The following DCTN1 variants were observed in gnomAD, a reference collection of about 807,000 sequenced individuals.
DCTN1 encodes dynactin subunit 1.
A neutral mutation model predicts 161.2 loss-of-function variants in DCTN1; 61 were observed. That is an observed-to-expected ratio of 0.38 (90% CI 0.31 to 0.47). The LOEUF (loss-of-function observed/expected upper bound fraction) is 0.47. DCTN1 is among the 20% of genes least tolerant of loss of function. The pLI, the probability that DCTN1 is intolerant of heterozygous loss-of-function variation, is 0.99. For missense variants in DCTN1, 1,404 were observed against 1,623.7 expected (o/e 0.86, Z 2.33); for synonymous variants, 653 against 632.4 (o/e 1.03, Z -0.49).
chr2:74,380,570 CG>C (rs1558950758), upstream of DCTN1: 1 of 471,732 alleles, frequency 2.1e-6, no homozygotes, highest in Non-Finnish European at 4.4e-6. Context: ...CACTTCAAAG[CG>C]ATCAGCTGCC....
rs1175961382 is a variant in DCTN1 at position 74,374,342 on chromosome 2, T to C, written c.415-2A>G. The C allele has an allele frequency of 1.2e-6, 2 of 1,610,776 alleles. No homozygotes were observed. The highest frequency in any genetic ancestry group is 1.7e-6 in the Non-Finnish European group (2 of 1,178,366). On this transcript the variant is annotated splice_acceptor_variant, in intron 5 of 31. Coordinates refer to ENST00000628224, the MANE Select transcript of DCTN1 (RefSeq NM_004082.5). LOFTEE classifies it high-confidence loss of function. ...GAGTACCTTTCGGGCTGTCGGTGCCTGTCTCATCATTGCAGAAAACCAAAG... is the reference window on the plus strand; with the variant it reads ...GAGTACCTTTCGGGCTGTCGGTGCCCGTCTCATCATTGCAGAAAACCAAAG...
intron 7 of DCTN1, chr2:74,372,007 G>A (rs1195641103): frequency 1.2e-5 from 5 of 427,914 alleles, no homozygotes; most frequent in East Asian, 4.6e-5. Context: ...AAGGCTCCTC[G>A]CTTGGCACTG....
Position 74,370,594 on chromosome 2 carries a change from G to C in DCTN1, c.1048+27C>G, listed in dbSNP as rs367895892. 6.2e-7 allele frequency: 1 copy of C among 1,613,886 alleles called. No homozygotes were observed. Among genetic ancestry groups the C allele is most frequent in the African/African-American group, 1.3e-5 (1 of 74,902 alleles). On this transcript the variant is annotated intron_variant, in intron 10 of 31. Transcript: ENST00000628224. This position sits in a 1 kb window ranked among gnomAD's most constrained non-coding sequence, Gnocchi z 4.4. ...AGGCATGGTTCTCACCTGACCGTTT[G>C]GCCCCCAGCAGCTGTGGGCCCCTTA...
chr2:74,386,908 C>T (rs1675757803), intron 1 of DCTN1: 1 of 152,164 alleles, frequency 6.6e-6, no homozygotes, highest in African/African-American at 2.4e-5. Flanking sequence ...CTGGATCTTA[C>T]ATGGCATCAG....
rs1172382549 is a variant in DCTN1 at position 74,361,412 on chromosome 2, C to T, written c.*87G>A. 1 of 1,596,848 alleles carries T rather than the reference C, an allele frequency of 6.3e-7. No individual in the cohort carries two copies. On this transcript the variant is annotated 3_prime_UTR_variant, in exon 32 of 32. Coordinates refer to ENST00000628224, the MANE Select transcript of DCTN1 (RefSeq NM_004082.5). ...AGGAAGAGCTTAACCCACGTTTCTACCTGGGGGCTGGCTGAGGTGGCTGTG... is the reference window on the plus strand; with the variant it reads ...AGGAAGAGCTTAACCCACGTTTCTATCTGGGGGCTGGCTGAGGTGGCTGTG...
chr2:74,363,247 C>T (rs770523135), intron 28 of DCTN1, 47 bp downstream of exon 28: 4 of 1,614,038 alleles, frequency 2.5e-6, no homozygotes, highest in Non-Finnish European at 3.4e-6. Context: ...ATCAATGGGG[C>T]AAATATGCTC....
In DCTN1 at chr2:74,366,587, AGT is replaced by A; in HGVS notation, c.2498_2499del (p.His833LeufsTer26). The A allele has an allele frequency of 6.2e-7, 1 of 1,613,198 alleles. No individual in the cohort carries two copies. Among genetic ancestry groups the A allele is most frequent in the Non-Finnish European group, 8.5e-7 (1 of 1,180,022 alleles). Reference protein sequence around the residue: ...VSDTLLDCRKHLTWVVAVLQE... With the variant: ...VSDTLLDCRKXLTWVVAVLQE... ...TGCAGCACAGCCACGACCCACGTCA[AGT>A]GTTTCCTGCAGTCTAGGAGCGTGTC... is the stretch of plus-strand genomic sequence containing the variant. On this transcript the variant is annotated frameshift_variant, in exon 22 of 32. Transcript: ENST00000628224. LOFTEE classifies it high-confidence loss of function.
intron 1 of DCTN1, among the ~76,000 whole-genome samples, chr2:74,390,919 T>A (rs1275118282): frequency 6.6e-6 from 1 of 152,178 alleles, no homozygotes; most frequent in Non-Finnish European, 1.5e-5. Flanking sequence ...TAACAGTATA[T>A]CCTAGTAAAA....
rs1029876124 is a variant in DCTN1 at position 74,361,342 on chromosome 2, G to A, written c.*157C>T. The stretch of plus-strand genomic sequence containing the variant: ...GGAGTGGGGGAACCCGGGTCAAGGT[G>A]AAGGGGCAGGACGCTGAAAGGGTGG... On this transcript the variant is annotated 3_prime_UTR_variant, in exon 32 of 32. Coordinates refer to ENST00000628224, the MANE Select transcript of DCTN1 (RefSeq NM_004082.5). The A allele has an allele frequency of 9.5e-7, 1 of 1,052,132 alleles. No individual in the cohort carries two copies. Among genetic ancestry groups the A allele is most frequent in the East Asian group, 2.6e-5 (1 of 38,726 alleles). The allele number at this position is 1,052,132 out of a possible 1,614,324, so 65.2% of individuals were successfully genotyped here. A position where few individuals can be genotyped will look rare whatever the true frequency, so the allele number is the denominator to read the frequency against.
intron 1 of DCTN1, chr2:74,387,068 T>C (rs891409031): frequency 6.6e-6 from 1 of 152,296 alleles, no homozygotes; most frequent in African/African-American, 2.4e-5. Flanking sequence ...TACTTCTCGA[T>C]CCATTGCTAT....
At chr2:74,385,490 T>G (rs1215886787) in intron 1 of DCTN1, 2 of 152,256 alleles carry the variant, frequency 1.3e-5, no homozygotes, top group East Asian at 3.8e-4. Flanking sequence ...AAGAGAGAGA[T>G]GCACCATTTC....
chr2:74,380,181 C>CACCGAGTGAGGCCCA lies in DCTN1; in HGVS notation c.-145_-144insTGGGCCTCACTCGGT. On this transcript the variant is annotated 5_prime_UTR_variant, in exon 1 of 32. It adds an upstream start codon to the 5' untranslated region. Transcript: ENST00000628224. ...GCACAGCCCTCCCCAGTCCATGGGC[C>CACCGAGTGAGGCCCA]TCACTCGGTGGCCTACACGGGTAGG... The CACCGAGTGAGGCCCA allele has an allele frequency of 3.5e-6, 3 of 863,692 alleles. No homozygotes were observed. Among genetic ancestry groups the CACCGAGTGAGGCCCA allele is most frequent in the Non-Finnish European group, 5.7e-6 (3 of 526,394 alleles). The allele number at this position is 863,692 out of a possible 1,614,324, so 53.5% of individuals were successfully genotyped here. A position where few individuals can be genotyped will look rare whatever the true frequency, so the allele number is the denominator to read the frequency against.
intron 6 of DCTN1, among the ~76,000 whole-genome samples, chr2:74,373,624 T>C (rs1370438736): frequency 6.6e-6 from 1 of 152,184 alleles, no homozygotes; most frequent in African/African-American, 2.4e-5. Context: ...CCCACCCAGC[T>C]GTAGGAAAGG....
At chr2:74,362,930 G>A in intron 29 of DCTN1, 64 bp downstream of exon 29, 2 of 1,574,498 alleles carry the variant, frequency 1.3e-6, no homozygotes, top group African/African-American at 2.7e-5. Flanking sequence ...CTGAGCAGGG[G>A]CTAAATCCCT....
chr2:74,373,266 G>A (rs934035107), intron 6 of DCTN1: 6 of 439,216 alleles, frequency 1.4e-5, no homozygotes, highest in African/African-American at 1.2e-4. Context: ...GAAGCAGCTA[G>A]TGAGAAGGTC....
intron 1 of DCTN1, among the ~76,000 whole-genome samples, chr2:74,379,557 A>T (rs1230241841): frequency 1.3e-5 from 2 of 152,232 alleles, no homozygotes; most frequent in Admixed American, 1.3e-4. Flanking sequence ...ACCCAAAGTC[A>T]GAGACTCCCC....
Position 74,374,660 on chromosome 2 carries a change from GC to G in DCTN1, c.415-321del, listed in dbSNP as rs926799900. 10 of 1,208,698 alleles carry G rather than the reference GC, an allele frequency of 8.3e-6. No individual in the cohort carries two copies. The Admixed American group carries it at 2.1e-4, about 26-fold the overall frequency. 74.9% of individuals were successfully genotyped at this position (1,208,698 alleles called of 1,614,324 possible). A position where few individuals can be genotyped will look rare whatever the true frequency, so the allele number is the denominator to read the frequency against. On this transcript the variant is annotated intron_variant, in intron 5 of 31. Coordinates refer to ENST00000628224, the MANE Select transcript of DCTN1 (RefSeq NM_004082.5). ...AGTTCACCAGCTTAGGCTGATGGCA[GC>G]CTCAGTGGCCGCAGCACCAGCTCCA...
At chr2:74,380,318 G>A (rs566961027), upstream of DCTN1, 78 of 574,236 alleles carry the variant, frequency 1.4e-4, no homozygotes, top group East Asian at 1.9e-3. Flanking sequence ...CTCTGCGCTA[G>A]TGCTGCTCTA....
In DCTN1 at chr2:74,361,179, C is replaced by A. The variant is rs1441285054; in HGVS notation, c.*320G>T. The A allele has an allele frequency of 8.6e-6, 4 of 465,404 alleles. No individual in the cohort carries two copies. Among genetic ancestry groups the A allele is most frequent in the African/African-American group, 2.0e-5 (1 of 51,186 alleles). The allele number at this position is 465,404 out of a possible 1,614,324, so 28.8% of individuals were successfully genotyped here. On this transcript the variant is annotated 3_prime_UTR_variant, in exon 32 of 32. Transcript: ENST00000628224. ...GCACTGAAGCAGAAGTTGCTTTAATCAAGGGGTGAAGTCCTCAATCAAGGG... is the reference window on the plus strand; with the variant it reads ...GCACTGAAGCAGAAGTTGCTTTAATAAAGGGGTGAAGTCCTCAATCAAGGG...
Sources: gnomAD v4.1 joint callset for allele counts (sites outside exome capture counted in the v4.1 genomes callset) on GRCh38, gnomAD v4.1.1 for gene constraint, Gnocchi (gnomAD v3.1) non-coding constraint, MANE v1.5 for transcripts, NCBI Gene and HGNC (gene_info 2026-07-23, HGNC 2026-07-21) for gene names.